Variants in CARMIL2 observed in about 807,000 individuals in gnomAD.
CARMIL2 encodes capping protein regulator and myosin 1 linker 2.
A neutral mutation model predicts 173.3 loss-of-function variants in CARMIL2; 96 were observed. The ratio of observed to expected loss-of-function variants is 0.55; its 90% CI spans 0.47 to 0.66. CARMIL2 has a LOEUF of 0.66. Among genes scored for constraint, CARMIL2 ranks in the 30% least tolerant of loss-of-function variants. The pLI is 0.00. For missense variants in CARMIL2, 1,771 were observed against 1,906.7 expected (o/e 0.93, Z 1.33); for synonymous variants, 830 against 817.1 (o/e 1.02, Z -0.27).
intron 31 of CARMIL2, 31 bp downstream of exon 31, chr16:67,654,723 C>A: frequency 6.2e-7 from 1 of 1,603,736 alleles, no homozygotes. Flanking sequence ...GTGGTGAAGG[C>A]GCTTCTGGGA....
chr16:67,655,181 G>A (rs145859637), intron 32 of CARMIL2, among the ~76,000 whole-genome samples: 75 of 152,312 alleles, frequency 4.9e-4, no homozygotes, highest in Admixed American at 8.5e-4. Flanking sequence ...CTGTAATCCC[G>A]ACACTTTGGG....
rs375703106 is a variant in CARMIL2, at chr16:67,652,517, C to T, written c.2863C>T (p.His955Tyr). The T allele has an allele frequency of 1.7e-4, 269 of 1,613,628 alleles. No individual in the cohort carries two copies. The highest frequency in any genetic ancestry group is 2.2e-4 in the Admixed American group (13 of 60,012). The change falls in exon 28 of 38, where the codon CAC becomes TAC. Residue 955 changes from histidine (H) to tyrosine (Y), a missense_variant. By Grantham distance (83) the His-to-Tyr change is moderately conservative (BLOSUM62 2). Transcript: ENST00000334583. This position sits in a 1 kb window ranked among gnomAD's most constrained non-coding sequence, Gnocchi z 4.7. Reference sequence around the variant, plus strand: ...ATGGCCTGAGCTCAGCCACGGTCTTCACCTGGTCCCCTTCATTCACAGTAA... The same window carrying T: ...ATGGCCTGAGCTCAGCCACGGTCTTTACCTGGTCCCCTTCATTCACAGTAA... ...QKWPELSHGL[H>Y]LVPFIHSAAE...
rs748296002 is a variant in CARMIL2 at position 67,654,795 on chromosome 16, G to A, written c.3600G>A (p.Arg1200=). 6.2e-7 allele frequency: 1 copy of A among 1,613,482 alleles called. No individual in the cohort carries two copies. The highest frequency in any genetic ancestry group is 8.5e-7 in the Non-Finnish European group (1 of 1,179,886). The change falls in exon 32 of 38, where the codon CGG becomes CGA. Residue 1200 remains arginine (R), a synonymous_variant. Coordinates refer to ENST00000334583, the MANE Select transcript of CARMIL2 (RefSeq NM_001013838.3). ...ARPDKRRPLE[R]GETELAPSFE... ...GTCCCTAGCGGCGGCCCCTGGAGCGGGGAGAAACAGAACTGGCTCCATCCT... is the reference window on the plus strand; with the variant it reads ...GTCCCTAGCGGCGGCCCCTGGAGCGAGGAGAAACAGAACTGGCTCCATCCT...
Position 67,651,124 on chromosome 16 carries a change from G to T in CARMIL2, c.2185-63G>T. On this transcript the variant is annotated intron_variant, in intron 22 of 37. Coordinates refer to ENST00000334583, the MANE Select transcript of CARMIL2 (RefSeq NM_001013838.3). The surrounding 1 kb of genome is among the most constrained non-coding windows in gnomAD (Gnocchi z 4.2). ...CCTCTGTTAAAGAGCCTGGGAGGAA[G>T]GCAGGCAGGATCTGGGAGACTGGGA... 1.3e-6 allele frequency: 2 copies of T among 1,564,078 alleles called. No individual in the cohort carries two copies. The highest frequency in any genetic ancestry group is 1.2e-5 in the South Asian group (1 of 85,890).
Position 67,657,404 on chromosome 16 carries a change from A to G in CARMIL2, c.4196-2A>G, listed in dbSNP as rs1379214528. 6.2e-7 allele frequency: 1 copy of G among 1,605,738 alleles called. No individual in the cohort carries two copies. Among genetic ancestry groups the G allele is most frequent in the South Asian group, 1.1e-5 (1 of 90,088 alleles). ...CCTCTCTCTCCCTCCCTCCCCTCAC[A>G]GGATCTGGCCTTGGAACCGAGCCTC... On this transcript the variant is annotated splice_acceptor_variant, in intron 37 of 37. Coordinates refer to ENST00000334583, the MANE Select transcript of CARMIL2 (RefSeq NM_001013838.3). LOFTEE classifies it high-confidence loss of function. The surrounding 1 kb of genome is among the most constrained non-coding windows in gnomAD (Gnocchi z 4.5).
In CARMIL2 at chr16:67,656,462, G is replaced by C; in HGVS notation, c.3853G>C (p.Glu1285Gln). The C allele has an allele frequency of 6.2e-7, 1 of 1,611,434 alleles. No homozygotes were observed. The highest frequency in any genetic ancestry group is 8.5e-7 in the Non-Finnish European group (1 of 1,178,576). ...CRPGPGSQGP[E>Q]SATWKTLGQQ... Reference sequence around the variant, plus strand: ...ACCTGGCCCAGGGAGCCAGGGGCCTGAGTCTGCCACCTGGAAGACACTGGG... The same window carrying C: ...ACCTGGCCCAGGGAGCCAGGGGCCTCAGTCTGCCACCTGGAAGACACTGGG... The change falls in exon 35 of 38, where the codon GAG (glutamate) becomes CAG (glutamine). Residue 1285 changes from glutamate to glutamine, a missense_variant. Glu to Gln is a conservative substitution (Grantham distance 29). Around this residue, in one of 3 missense-constraint regions of CARMIL2, gnomAD observed 817 missense variants for 903.5 expected, o/e 0.90. Coordinates refer to ENST00000334583, the MANE Select transcript of CARMIL2 (RefSeq NM_001013838.3).
At position 67,648,198 on chromosome 16, in the gene CARMIL2, C is replaced by T. The variant is rs1398556971; in HGVS notation, c.1218C>T (p.Leu406=). 2.5e-6 allele frequency: 4 copies of T among 1,605,260 alleles called. No individual in the cohort carries two copies. The highest frequency in any genetic ancestry group is 3.4e-5 in the Admixed American group (2 of 59,044). ...ACTGGAGGGCGGGACGGGGAGGGCTCGGTCCCCCCGCGGGTGTAGCCAACA... is the reference window on the plus strand; with the variant it reads ...ACTGGAGGGCGGGACGGGGAGGGCTTGGTCCCCCCGCGGGTGTAGCCAACA... The part of the protein sequence containing the change: ...RADWRAGRGG[L]GPPAGVANSL... Residue 406 remains leucine, a synonymous_variant, in exon 14 of 38, where the codon CTC becomes CTT. Coordinates refer to ENST00000334583, the MANE Select transcript of CARMIL2 (RefSeq NM_001013838.3). The surrounding 1 kb of genome is among the most constrained non-coding windows in gnomAD (Gnocchi z 6.1).
rs2142912294 is a variant in CARMIL2 at position 67,646,803 on chromosome 16, T to C, written c.537+19T>C. The C allele has an allele frequency of 6.2e-7, 1 of 1,613,356 alleles. No individual in the cohort carries two copies. The highest frequency in any genetic ancestry group is 8.5e-7 in the Non-Finnish European group (1 of 1,179,390). On this transcript the variant is annotated intron_variant, in intron 7 of 37. Transcript: ENST00000334583. This position sits in a 1 kb window ranked among gnomAD's most constrained non-coding sequence, Gnocchi z 4.6. The stretch of plus-strand genomic sequence containing the variant: ...TCAGTGGGTGAGGGTAGGGCCCTTT[T>C]GAAGGGCTCTGGAGACATCTGGTCC...
At chr16:67,645,833 G>T in intron 3 of CARMIL2, 56 bp downstream of exon 3, 3 of 1,597,342 alleles carry the variant, frequency 1.9e-6, no homozygotes, top group Non-Finnish European at 2.6e-6. Flanking sequence ...TTGGCAGGGG[G>T]CTGCATCTGC....
Position 67,656,533 on chromosome 16 carries a change from G to A in CARMIL2, c.3924G>A (p.Gln1308=). 6.2e-7 allele frequency: 1 copy of A among 1,613,534 alleles called. No individual in the cohort carries two copies. The change falls in exon 35 of 38, where the codon CAG becomes CAA. Residue 1308 remains glutamine (Q), a synonymous_variant. Transcript: ENST00000334583. ...AELRSRGWGQ[Q]DGPGPPSPGQ... Reference sequence around the variant, plus strand: ...TCAGGAGCCGTGGTTGGGGCCAACAGGATGGTCCAGGCCCTCCCTCCCCTG... The same window carrying A: ...TCAGGAGCCGTGGTTGGGGCCAACAAGATGGTCCAGGCCCTCCCTCCCCTG...
chr16:67,654,621 G>C lies in CARMIL2; in HGVS notation c.3511G>C (p.Asp1171His), dbSNP rs2052802355. Reference sequence around the variant, plus strand: ...CAGGAGCCGACCTCGCTACACAAGAGATAGCAAGGCCTACTCGATGATACT... The same window carrying C: ...CAGGAGCCGACCTCGCTACACAAGACATAGCAAGGCCTACTCGATGATACT... ...AGRSRPRYTR[D>H]SKAYSMILLP... Residue 1171 changes from aspartate to histidine, a missense_variant, in exon 31 of 38, where the codon GAT becomes CAT. Asp to His is a moderately conservative substitution (Grantham distance 81, BLOSUM62 -1). Coordinates refer to ENST00000334583, the MANE Select transcript of CARMIL2 (RefSeq NM_001013838.3). 6.3e-7 allele frequency: 1 copy of C among 1,599,550 alleles called. No individual in the cohort carries two copies. The highest frequency in any genetic ancestry group is 1.3e-5 in the African/African-American group (1 of 74,452).
rs201745158 is a variant in CARMIL2, at chr16:67,651,288, C to T, written c.2286C>T (p.Ala762=). Residue 762 remains alanine, a synonymous_variant, in exon 23 of 38, where the codon GCC becomes GCT. Coordinates refer to ENST00000334583, the MANE Select transcript of CARMIL2 (RefSeq NM_001013838.3). The surrounding 1 kb of genome is among the most constrained non-coding windows in gnomAD (Gnocchi z 4.2). The stretch of plus-strand genomic sequence containing the variant: ...CCGCTGTGCGCCAGGCCGAGGATGC[C>T]ATCCAAAATGCCAACTTCTCTCTCA... The part of the protein sequence containing the change: ...GEAAVRQAED[A]IQNANFSLSI... 2.0e-3 allele frequency: 3,217 copies of T among 1,613,568 alleles called. 9 individuals are homozygous for T. Among genetic ancestry groups the T allele is most frequent in the Non-Finnish European group, 2.3e-3 (2,718 of 1,179,842 alleles).
Position 67,654,345 on chromosome 16 carries a change from G to A in CARMIL2, c.3235G>A (p.Glu1079Lys). Reference sequence around the variant, plus strand: ...GTGTCCCCACAGCTGGGCCCCCGAGGAGGACCCGGCCACTGAGGGGGGCGC... The same window carrying A: ...GTGTCCCCACAGCTGGGCCCCCGAGAAGGACCCGGCCACTGAGGGGGGCGC... ...IQQDRLWAPE[E>K]DPATEGGATP... The change falls in exon 31 of 38, where the codon GAG becomes AAG. Residue 1079 changes from glutamate to lysine, a missense_variant. Glu to Lys is a moderately conservative substitution (Grantham distance 56, BLOSUM62 1). Transcript: ENST00000334583. 1 of 1,596,788 alleles carries A rather than the reference G, an allele frequency of 6.3e-7. No homozygotes were observed. Among genetic ancestry groups the A allele is most frequent in the Non-Finnish European group, 8.5e-7 (1 of 1,171,854 alleles).
At chr16:67,654,981 C>T in intron 32 of CARMIL2, 81 bp downstream of exon 32, 1 of 1,537,376 alleles carries the variant, frequency 6.5e-7, no homozygotes, top group Non-Finnish European at 8.9e-7. Context: ...ATGGAGGAGA[C>T]TCATGACAGA....
Position 67,646,825 on chromosome 16 carries a change from G to T in CARMIL2, c.537+41G>T. On this transcript the variant is annotated intron_variant, in intron 7 of 37. Transcript: ENST00000334583. The surrounding 1 kb of genome is among the most constrained non-coding windows in gnomAD (Gnocchi z 4.6). ...TTTTGAAGGGCTCTGGAGACATCTGGTCCCCCATGTGTGCTGAGCCCCTCC... is the reference window on the plus strand; with the variant it reads ...TTTTGAAGGGCTCTGGAGACATCTGTTCCCCCATGTGTGCTGAGCCCCTCC... 6.2e-7 allele frequency: 1 copy of T among 1,612,510 alleles called. No homozygotes were observed. Among genetic ancestry groups the T allele is most frequent in the Non-Finnish European group, 8.5e-7 (1 of 1,178,668 alleles).
In CARMIL2 at chr16:67,648,846, G is replaced by A. The variant is rs369610351; in HGVS notation, c.1510-47G>A. 1.3e-5 allele frequency: 20 copies of A among 1,574,964 alleles called. No homozygotes were observed. Among genetic ancestry groups the A allele is most frequent in the Non-Finnish European group, 1.7e-5 (20 of 1,160,514 alleles). ...GTGGGCCGCCTGCCCCTCCCCACTC[G>A]CGGCCTAAGTGGGTCCCACTTCCCA... On this transcript the variant is annotated intron_variant, in intron 16 of 37. Transcript: ENST00000334583. This position sits in a 1 kb window ranked among gnomAD's most constrained non-coding sequence, Gnocchi z 6.1.
At chr16:67,647,251 G>T (rs776419497) in intron 9 of CARMIL2, 48 bp from the exon 10 acceptor site, 2 of 1,610,604 alleles carry the variant, frequency 1.2e-6, no homozygotes, top group African/African-American at 1.3e-5. Context: ...GGTGCAGCCC[G>T]CTGAGGGCCA....
Position 67,651,543 on chromosome 16 carries a change from C to T in CARMIL2, c.2427+29C>T, listed in dbSNP as rs1321594750. On this transcript the variant is annotated intron_variant, in intron 24 of 37. Transcript: ENST00000334583. The surrounding 1 kb of genome is among the most constrained non-coding windows in gnomAD (Gnocchi z 4.2). ...AGAGGGTACTCCTGCCCCAACCCCACCTCCGTTTGCAGGTTTGACTCCCAT... is the reference window on the plus strand; with the variant it reads ...AGAGGGTACTCCTGCCCCAACCCCATCTCCGTTTGCAGGTTTGACTCCCAT... 5 of 1,564,718 alleles carry T rather than the reference C, an allele frequency of 3.2e-6. No individual in the cohort carries two copies. Among genetic ancestry groups the T allele is most frequent in the Non-Finnish European group, 4.3e-6 (5 of 1,154,034 alleles).
Position 67,648,452 on chromosome 16 carries a change from G to A in CARMIL2, c.1389G>A (p.Thr463=), listed in dbSNP as rs960280311. 1 of 1,449,440 alleles carries A rather than the reference G, an allele frequency of 6.9e-7. No homozygotes were observed. 89.8% of individuals were successfully genotyped at this position (1,449,440 alleles called of 1,614,324 possible). The change falls in exon 15 of 38, where the codon ACG becomes ACA. Residue 463 remains threonine (T), a synonymous_variant. Coordinates refer to ENST00000334583, the MANE Select transcript of CARMIL2 (RefSeq NM_001013838.3). This position sits in a 1 kb window ranked among gnomAD's most constrained non-coding sequence, Gnocchi z 6.1. ...ALQLFLSRAR[T]LRHLGLAGCK... is the part of the protein sequence containing the mutation. ...AGCTCTTCCTCAGCCGCGCGCGGAC[G>A]CTGCGGCACCTGGGCCTGGCGGGCT... is the stretch of plus-strand genomic sequence containing the variant.
Sources: allele counts gnomAD v4.1 joint callset (sites outside exome capture counted in the v4.1 genomes callset), GRCh38; gene constraint gnomAD v4.1.1; regional missense constraint gnomAD v4.1.1; non-coding constraint Gnocchi (gnomAD v3.1); transcripts MANE v1.5; gene names NCBI Gene and HGNC (gene_info 2026-07-23, HGNC 2026-07-21).